The following ZNF532 variants were observed in gnomAD, a reference collection of about 807,000 sequenced individuals.
The protein encoded by ZNF532 is zinc finger protein 532.
ZNF532 carries 22 observed loss-of-function variants against 89.3 expected under a neutral mutation model. That is an observed-to-expected ratio of 0.25 (90% CI 0.18 to 0.35). The LOEUF is 0.35. ZNF532 is among the 10% of genes least tolerant of loss of function. ZNF532 has a pLI of 1.00. For synonymous variants in ZNF532, 606 were observed against 649.6 expected (o/e 0.93, Z 1.02); for missense variants, 1,132 against 1,643.4 (o/e 0.69, Z 5.38).
At chr18:58,885,588 C>T (rs1475958590) in intron 2 of ZNF532, among the ~76,000 whole-genome samples, 1 of 152,102 alleles carries the variant, frequency 6.6e-6, no homozygotes, top group African/African-American at 2.4e-5. Flanking sequence ...GGCATGGTGG[C>T]TCATGCCTGT....
intron 2 of ZNF532, among the ~76,000 whole-genome samples, chr18:58,906,420 GT>G (rs1156305018): frequency 1.3e-5 from 2 of 152,064 alleles, no homozygotes; most frequent in Non-Finnish European, 2.9e-5. Flanking sequence ...CATCAGTGTA[GT>G]TTTTTTGTTT....
chr18:58,983,949 C>T (rs2068147820), intron 9 of ZNF532, 23 bp from the exon 10 acceptor site: 3 of 1,589,858 alleles, frequency 1.9e-6, no homozygotes, highest in Non-Finnish European at 1.7e-6. Flanking sequence ...TCAGTCGTGT[C>T]ATTTGCTTTC....
chr18:58,918,713 G>T lies in ZNF532; in HGVS notation c.426G>T (p.Glu142Asp). Reference sequence around the variant, plus strand: ...GTGCTGAAGAGTTTGATGACGACGAGAAGATTGAGGTGGATGACCCCCCTG... The same window carrying T: ...GTGCTGAAGAGTTTGATGACGACGATAAGATTGAGGTGGATGACCCCCCTG... ...ISSAEEFDDDEKIEVDDPPDK... is the reference protein window; with the variant it reads ...ISSAEEFDDDDKIEVDDPPDK... Residue 142 changes from glutamate to aspartate, a missense_variant, in exon 3 of 10, where the codon GAG becomes GAT. By Grantham distance (45) the Glu-to-Asp change is conservative. This residue lies in a region of ZNF532 where 302 missense variants were observed against 319.8 expected (regional missense o/e 0.94). Transcript: ENST00000591808. 1.2e-6 allele frequency: 2 copies of T among 1,614,174 alleles called. No homozygotes were observed. The highest frequency in any genetic ancestry group is 2.2e-5 in the South Asian group (2 of 91,084).
chr18:58,981,053 C>T (rs542274822), intron 8 of ZNF532: 24 of 186,550 alleles, frequency 1.3e-4, no homozygotes, highest in Admixed American at 9.1e-4. Context: ...CATACACACT[C>T]GACTGCCATG....
At chr18:58,982,059 C>T (rs557752401) in intron 9 of ZNF532, among the ~76,000 whole-genome samples, 1 of 151,218 alleles carries the variant, frequency 6.6e-6, no homozygotes, top group East Asian at 1.9e-4. Context: ...TGATTAATCT[C>T]CCCATAGACC....
intron 7 of ZNF532, among the ~76,000 whole-genome samples, chr18:58,970,007 C>T (rs1432736878): frequency 6.6e-6 from 1 of 151,532 alleles, no homozygotes; most frequent in South Asian, 2.1e-4. Context: ...CCTCAGCCTC[C>T]TGAGTAGCTG....
chr18:58,908,486 A>G (rs1225061846), intron 2 of ZNF532, among the ~76,000 whole-genome samples: 1 of 152,190 alleles, frequency 6.6e-6, no homozygotes, highest in African/African-American at 2.4e-5. Context: ...GCATCCATTC[A>G]TTCATCATTC....
intron 5 of ZNF532, among the ~76,000 whole-genome samples, chr18:58,942,155 TG>T (rs1264954626): frequency 6.6e-6 from 1 of 151,494 alleles, no homozygotes; most frequent in Non-Finnish European, 1.5e-5. Flanking sequence ...CCTGAGTAGC[TG>T]GGACTACAGG....
chr18:58,984,606 C>G lies in ZNF532; in HGVS notation c.*140C>G. ...TTCTCTTTCAATGTACCTTCCTTCA[C>G]CTCGTCGTATATATCCTCGATAAGT... On this transcript the variant is annotated 3_prime_UTR_variant, in exon 10 of 10. Transcript: ENST00000591808. 9.8e-7 allele frequency: 1 copy of G among 1,020,168 alleles called. No homozygotes were observed. Among genetic ancestry groups the G allele is most frequent in the Non-Finnish European group, 1.4e-6 (1 of 711,166 alleles). The allele number at this position is 1,020,168 out of a possible 1,614,324, so 63.2% of individuals were successfully genotyped here.
intron 6 of ZNF532, 124 bp downstream of exon 6, chr18:58,948,353 T>C: frequency 1.0e-6 from 1 of 968,748 alleles, no homozygotes; most frequent in Admixed American, 2.7e-5. Flanking sequence ...TGGATGCTGG[T>C]CGTTGTCAGT....
intron 2 of ZNF532, among the ~76,000 whole-genome samples, chr18:58,870,467 C>T (rs2056886026): frequency 6.6e-6 from 1 of 152,054 alleles, no homozygotes; most frequent in Admixed American, 6.5e-5. Context: ...CTTGGTGTTT[C>T]GAGTGGGGTG....
intron 2 of ZNF532, among the ~76,000 whole-genome samples, chr18:58,882,605 C>T (rs781654575): frequency 2.0e-5 from 3 of 152,104 alleles, no homozygotes; most frequent in Non-Finnish European, 2.9e-5. Context: ...CCATTCCTGG[C>T]TAATTATTAT....
intron 2 of ZNF532, among the ~76,000 whole-genome samples, chr18:58,893,397 C>T (rs917302833): frequency 1.1e-4 from 16 of 152,080 alleles, no homozygotes; most frequent in African/African-American, 2.9e-4. Context: ...CCTGGCGTGG[C>T]GGCTCACACC....
chr18:58,979,746 G>T (rs376724179), intron 8 of ZNF532: 2 of 152,460 alleles, frequency 1.3e-5, no homozygotes, highest in Admixed American at 1.3e-4. Context: ...TGCACATGTC[G>T]AGTTGGCCAC....
chr18:58,872,043 G>A lies in ZNF532; in HGVS notation c.-18+6464G>A, dbSNP rs531043085. Among the ~76,000 whole-genome samples, 5 of 152,334 alleles carry A rather than the reference G, an allele frequency of 3.3e-5. No individual in the cohort carries two copies. The South Asian group carries it at 1.0e-3, about 32-fold the overall frequency. On this transcript the variant is annotated intron_variant, in intron 2 of 9. Coordinates refer to ENST00000591808, the MANE Select transcript of ZNF532 (RefSeq NM_001375912.1). ...CGGCAGGAAGTTCTATATTCTGGCTGTTTTATAATGAGGGAGAGCAAATTC... is the reference window on the plus strand; with the variant it reads ...CGGCAGGAAGTTCTATATTCTGGCTATTTTATAATGAGGGAGAGCAAATTC...
At chr18:58,976,744 G>A (rs905233563) in intron 7 of ZNF532, among the ~76,000 whole-genome samples, 1 of 152,138 alleles carries the variant, frequency 6.6e-6, no homozygotes, top group Non-Finnish European at 1.5e-5. Context: ...TGTTGGCCAG[G>A]CTGGTCTTGA....
chr18:58,964,338 T>C (rs2065684822), intron 7 of ZNF532: 1 of 152,332 alleles, frequency 6.6e-6, no homozygotes, highest in Non-Finnish European at 1.5e-5. Flanking sequence ...AGAAATATCT[T>C]TAAATCAGTT....
chr18:58,863,404 G>A (rs1201352112), upstream of ZNF532: 2 of 121,998 alleles, frequency 1.6e-5, no homozygotes, highest in Non-Finnish European at 3.5e-5. Flanking sequence ...CGGCCGCGGG[G>A]CTTCGCGCTG....
chr18:58,886,096 C>G (rs1019402219), intron 2 of ZNF532, among the ~76,000 whole-genome samples: 1 of 152,068 alleles, frequency 6.6e-6, no homozygotes, highest in Admixed American at 6.5e-5. Flanking sequence ...CCTGCCTCAG[C>G]CTCCTGAGTA....
Sources: gnomAD v4.1 joint callset for allele counts (sites outside exome capture counted in the v4.1 genomes callset) on GRCh38, gnomAD v4.1.1 for gene constraint, gnomAD v4.1.1 regional missense constraint, MANE v1.5 for transcripts, NCBI Gene and HGNC (gene_info 2026-07-23, HGNC 2026-07-21) for gene names.